The following NOX5 variants were observed in gnomAD, a reference collection of about 807,000 sequenced individuals.
NOX5 encodes NADPH oxidase, EF-hand calcium binding domain 5.
In NOX5, 76 loss-of-function variants were observed where a neutral mutation model predicts 85.7. The observed-to-expected ratio is 0.89, with a 90% CI of 0.74 to 1.07. The LOEUF is 1.07. Among genes scored for constraint, NOX5 ranks in the 50% least tolerant of loss-of-function variants. The pLI, the probability that NOX5 is intolerant of heterozygous loss-of-function variation, is 0.00. For missense variants in NOX5, 973 were observed against 999.5 expected (o/e 0.97, Z 0.36); for synonymous variants, 405 against 401.4 (o/e 1.01, Z -0.11).
At chr15:69,033,701 CT>C (rs570603838) in intron 5 of NOX5, among the ~76,000 whole-genome samples, 227 of 119,278 alleles carry the variant, frequency 1.9e-3, no homozygotes, top group Non-Finnish European at 2.2e-3. Flanking sequence ...TCTTTTTTTT[CT>C]TTTTTTTTTT....
chr15:69,042,282 A>G (rs1274642917), intron 9 of NOX5, among the ~76,000 whole-genome samples: 2 of 152,200 alleles, frequency 1.3e-5, no homozygotes, highest in Non-Finnish European at 2.9e-5. Flanking sequence ...TGGTACCACC[A>G]TGGACTGAGC....
rs765340830 is a variant in NOX5, at chr15:69,028,316, CA to C, written c.277del (p.Ser93AlafsTer77). ...QEALTLLIHG[S>X]PMDKLKFLFQ... ...AGGCACTGACCCTGCTCATCCATGG[CA>C]GCCCCATGGACAAACTCAAATTCCT... On this transcript the variant is annotated frameshift_variant, in exon 3 of 16. Coordinates refer to ENST00000388866, the MANE Select transcript of NOX5 (RefSeq NM_024505.4). LOFTEE classifies it high-confidence loss of function. 27 of 1,613,230 alleles carry C rather than the reference CA, an allele frequency of 1.7e-5. No individual in the cohort carries two copies. In the South Asian group the frequency reaches 3.0e-4, roughly 18 times the overall value.
At position 69,050,103 on chromosome 15, in the gene NOX5, C is replaced by T. The variant is rs145789983; in HGVS notation, c.1999+1045C>T. Reference sequence around the variant, plus strand: ...ATAATACGTAGTCTGTTCCGTCTGACGTCTTTCACTTAGCATAATACCTTC... The same window carrying T: ...ATAATACGTAGTCTGTTCCGTCTGATGTCTTTCACTTAGCATAATACCTTC... On this transcript the variant is annotated intron_variant, in intron 14 of 15. Transcript: ENST00000388866. Among the ~76,000 whole-genome samples, 255 of 152,274 alleles carry T rather than the reference C, an allele frequency of 1.7e-3. 1 individual carries two copies. Among genetic ancestry groups the T allele is most frequent in the African/African-American group, 5.3e-3 (221 of 41,556 alleles).
intron 9 of NOX5, among the ~76,000 whole-genome samples, chr15:69,040,364 G>A (rs922904048): frequency 6.6e-6 from 1 of 152,142 alleles, no homozygotes; most frequent in Non-Finnish European, 1.5e-5. Flanking sequence ...TTTTATCCAA[G>A]GAAAACCATT....
At chr15:69,015,769 T>TAAG (rs965227902) in intron 1 of NOX5, among the ~76,000 whole-genome samples, 1 of 152,156 alleles carries the variant, frequency 6.6e-6, no homozygotes, top group African/African-American at 2.4e-5. Context: ...AGGGTGGCTA[T>TAAG]AAGTCAGTGG....
At position 69,056,607 on chromosome 15, in the gene NOX5, G is replaced by C; in HGVS notation, c.2209G>C (p.Val737Leu). The C allele has an allele frequency of 6.2e-7, 1 of 1,613,758 alleles. No homozygotes were observed. ...VAAEKKGKVQVFFCGSPALAK... is the reference protein window; with the variant it reads ...VAAEKKGKVQLFFCGSPALAK... Reference sequence around the variant, plus strand: ...TGCTGAGAAGAAGGGCAAGGTGCAGGTCTTCTTCTGTGGCTCCCCAGCTCT... The same window carrying C: ...TGCTGAGAAGAAGGGCAAGGTGCAGCTCTTCTTCTGTGGCTCCCCAGCTCT... Residue 737 changes from valine to leucine, a missense_variant, in exon 16 of 16, where the codon GTC (valine) becomes CTC (leucine). Transcript: ENST00000388866.
chr15:69,047,326 G>T, intron 11 of NOX5, 87 bp from the exon 12 acceptor site: 1 of 1,463,190 alleles, frequency 6.8e-7, no homozygotes, highest in Non-Finnish European at 9.0e-7. Flanking sequence ...TATAAAGGGG[G>T]TTCTGAAGCC....
At chr15:69,030,603 C>G (rs191465830) in intron 3 of NOX5, 6 of 152,192 alleles carry the variant, frequency 3.9e-5, no homozygotes, top group African/African-American at 1.4e-4. Flanking sequence ...GTCCAGAAAC[C>G]TGCTGTCATC....
At chr15:69,055,711 C>A (rs1567110098) in intron 15 of NOX5, among the ~76,000 whole-genome samples, 1 of 152,196 alleles carries the variant, frequency 6.6e-6, no homozygotes, top group Non-Finnish European at 1.5e-5. Context: ...GTTTCTCCAT[C>A]TGTTCAGAGA....
chr15:69,042,068 TAAA>T (rs34833384), intron 9 of NOX5, among the ~76,000 whole-genome samples: 5 of 141,812 alleles, frequency 3.5e-5, no homozygotes, highest in Non-Finnish European at 3.0e-5. Context: ...ATCCCTGGTT[TAAA>T]AAAAAAAAAA....
At chr15:69,032,005 G>C (rs1220085152) in intron 4 of NOX5, among the ~76,000 whole-genome samples, 193 bp downstream of exon 4, 1 of 151,910 alleles carries the variant, frequency 6.6e-6, no homozygotes, top group East Asian at 1.9e-4. Flanking sequence ...TGTCTCTGCA[G>C]AATCAACTCA....
intron 8 of NOX5, chr15:69,038,097 C>T (rs1162044583): frequency 6.6e-6 from 1 of 152,352 alleles, no homozygotes; most frequent in African/African-American, 2.4e-5. Flanking sequence ...GTGCACATCA[C>T]AGAAAGACTC....
chr15:69,048,349 A>G (rs1257724638), intron 13 of NOX5, among the ~76,000 whole-genome samples: 5 of 152,186 alleles, frequency 3.3e-5, no homozygotes, highest in Non-Finnish European at 1.5e-5. Context: ...CCTGGGCAAC[A>G]TGGCGAAACC....
rs374730260 is a variant in NOX5 at position 69,062,018 on chromosome 15, C to T, written c.*5322C>T. ...TCTGTGTCCCCAGTGACTAGAATAGCGTCACCACCTAGTAGGTGCTTGGCG... is the reference window on the plus strand; with the variant it reads ...TCTGTGTCCCCAGTGACTAGAATAGTGTCACCACCTAGTAGGTGCTTGGCG... On this transcript the variant is annotated 3_prime_UTR_variant, in exon 16 of 16. Transcript: ENST00000388866. 6.6e-6 allele frequency: 1 copy of T among 152,220 alleles called. No individual in the cohort carries two copies. The allele number at this position is 152,220 out of a possible 1,614,324, so 9.4% of individuals were successfully genotyped here.
chr15:69,031,767 A>G lies in NOX5; in HGVS notation c.575A>G (p.Asp192Gly). ...NGAITFEELRDELQRFPGVME... is the reference protein window; with the variant it reads ...NGAITFEELRGELQRFPGVME... Reference sequence around the variant, plus strand: ...GCCATCACCTTCGAGGAGCTCCGGGACGAGCTGCAGCGCTTCCCCGGAGTC... The same window carrying G: ...GCCATCACCTTCGAGGAGCTCCGGGGCGAGCTGCAGCGCTTCCCCGGAGTC... Residue 192 changes from aspartate (D) to glycine (G), a missense_variant, in exon 4 of 16, where the codon GAC (aspartate) becomes GGC (glycine). Coordinates refer to ENST00000388866, the MANE Select transcript of NOX5 (RefSeq NM_024505.4). 6.2e-7 allele frequency: 1 copy of G among 1,608,190 alleles called. No homozygotes were observed. Among genetic ancestry groups the G allele is most frequent in the East Asian group, 2.2e-5 (1 of 44,736 alleles).
chr15:69,053,298 C>T (rs972905272), intron 14 of NOX5, among the ~76,000 whole-genome samples: 2 of 152,160 alleles, frequency 1.3e-5, no homozygotes, highest in African/African-American at 2.4e-5. Context: ...CTAGTACCCA[C>T]CTCATAGGAT....
intron 8 of NOX5, chr15:69,037,451 A>T: frequency 7.6e-6 from 4 of 524,294 alleles, no homozygotes; most frequent in Non-Finnish European, 1.4e-5. Flanking sequence ...TTTGGGGAGA[A>T]CAGTCTCCTT....
At chr15:69,047,295 C>T in intron 11 of NOX5, 118 bp from the exon 12 acceptor site, 1 of 1,352,516 alleles carries the variant, frequency 7.4e-7, no homozygotes, top group Non-Finnish European at 9.8e-7. Context: ...TGGCTTCCAG[C>T]CCAGGAGATG....
chr15:69,028,453 G>A, intron 3 of NOX5, 88 bp downstream of exon 3: 1 of 1,356,480 alleles, frequency 7.4e-7, no homozygotes, highest in South Asian at 1.6e-5. Context: ...AGGCCTGGAG[G>A]TGCCATCCCG....
Sources: gnomAD v4.1 joint callset for allele counts (sites outside exome capture counted in the v4.1 genomes callset) on GRCh38, gnomAD v4.1.1 for gene constraint, MANE v1.5 for transcripts, NCBI Gene and HGNC (gene_info 2026-07-23, HGNC 2026-07-21) for gene names.